The following ATP2C2 variants were observed in gnomAD, a reference collection of about 807,000 sequenced individuals.
ATP2C2 encodes ATPase secretory pathway Ca2+ transporting 2, also known as calcium-transporting ATPase type 2C member 2.
Under a neutral mutation model 110.8 loss-of-function variants are expected in ATP2C2, and 171 were observed. The ratio of observed to expected loss-of-function variants is 1.54; its 90% confidence interval spans 1.36 to 1.75. The LOEUF is 1.75. Among genes scored for constraint, ATP2C2 ranks in the 40% most tolerant of loss-of-function variants. The probability of loss-of-function intolerance (pLI) is 0.00; values close to 1 mark genes in which losing one functional copy is unlikely to be tolerated. For synonymous variants in ATP2C2, 804 were observed against 508.4 expected (o/e 1.58, Z -7.82); for missense variants, 1,963 against 1,235.0 (o/e 1.59, Z -8.84).
rs1187613520 is a variant in ATP2C2 at position 84,451,968 on chromosome 16, G to T, written c.1708G>T (p.Gly570Cys). ...GPELGRLTFL[G>C]LVGIIDPPRV... The stretch of plus-strand genomic sequence containing the variant: ...CGAGCTGGGGCGGCTGACGTTTCTC[G>T]GTCTTGTGGGCATCATTGACCCCCC... The change falls in exon 18 of 27, where the codon GGT becomes TGT. Residue 570 changes from glycine to cysteine, a missense_variant. By Grantham distance (159) the Gly-to-Cys change is radical. Coordinates refer to ENST00000262429, the MANE Select transcript of ATP2C2 (RefSeq NM_014861.4). 1.9e-6 allele frequency: 3 copies of T among 1,613,926 alleles called. No individual in the cohort carries two copies. The highest frequency in any genetic ancestry group is 2.7e-5 in the African/African-American group (2 of 74,854).
intron 26 of ATP2C2, 62 bp from the exon 27 acceptor site, chr16:84,463,552 T>G (rs765098571): frequency 2.6e-5 from 37 of 1,447,564 alleles, no homozygotes; most frequent in Non-Finnish European, 3.6e-5. Context: ...GGGAAGGCGC[T>G]TCCTGCCGGC....
At chr16:84,422,357 A>T (rs774078176) in intron 7 of ATP2C2, 33 bp from the exon 8 acceptor site, 2 of 1,600,140 alleles carry the variant, frequency 1.2e-6, no homozygotes, top group African/African-American at 2.7e-5. Context: ...GGTGACAGAG[A>T]GATTCCACAG....
chr16:84,383,785 T>TG (rs1437448689), intron 1 of ATP2C2, among the ~76,000 whole-genome samples: 1 of 90,890 alleles, frequency 1.1e-5, no homozygotes, highest in South Asian at 4.7e-4. Flanking sequence ...TTGGTTTTGT[T>TG]GGTTTTTTTT....
chr16:84,425,066 G>A (rs956630402), intron 10 of ATP2C2, among the ~76,000 whole-genome samples: 6 of 152,076 alleles, frequency 3.9e-5, no homozygotes, highest in Non-Finnish European at 8.8e-5. Flanking sequence ...AGATACTGTG[G>A]CAGCTGCCCC....
intron 1 of ATP2C2, among the ~76,000 whole-genome samples, chr16:84,396,314 G>A (rs973113803): frequency 6.6e-6 from 1 of 152,070 alleles, no homozygotes; most frequent in Non-Finnish European, 1.5e-5. Context: ...TGGAGGCTGA[G>A]GCAGGCAGAT....
At position 84,439,251 on chromosome 16, in the gene ATP2C2, C is replaced by A. The variant is rs771774140; in HGVS notation, c.1072C>A (p.Arg358=). 9.3e-6 allele frequency: 15 copies of A among 1,612,294 alleles called. No homozygotes were observed. The highest frequency in any genetic ancestry group is 1.3e-5 in the Non-Finnish European group (15 of 1,180,038). The part of the protein sequence containing the change: ...VLGVLRMAKK[R]VIVKKLPIVE... ...GGGAGTGCTGCGGATGGCCAAGAAG[C>A]GGGTCATCGTGAAGAAGTTACCCAT... The change falls in exon 12 of 27, where the codon CGG becomes AGG. Residue 358 remains arginine, a synonymous_variant. Coordinates refer to ENST00000262429, the MANE Select transcript of ATP2C2 (RefSeq NM_014861.4).
Position 84,459,286 on chromosome 16 carries a change from A to G in ATP2C2, c.2233A>G (p.Ser745Gly). 1.2e-6 allele frequency: 2 copies of G among 1,614,166 alleles called. No homozygotes were observed. Among genetic ancestry groups the G allele is most frequent in the Middle Eastern group, 1.6e-4 (1 of 6,062 alleles). Residue 745 changes from serine to glycine, a missense_variant, in exon 23 of 27, where the codon AGT becomes GGT. By Grantham distance (56) the Ser-to-Gly change is moderately conservative. Coordinates refer to ENST00000262429, the MANE Select transcript of ATP2C2 (RefSeq NM_014861.4). Reference protein sequence around the residue: ...FQLSTSISALSLITLSTVFNL... With the variant: ...FQLSTSISALGLITLSTVFNL... ...GCCCCGCAGGAGCATCTCCGCCCTG[A>G]GTCTCATCACTCTGTCCACCGTGTT...
At chr16:84,399,137 AGT>A (rs925097586) in intron 2 of ATP2C2, among the ~76,000 whole-genome samples, 5 of 152,228 alleles carry the variant, frequency 3.3e-5, no homozygotes, top group African/African-American at 9.6e-5. Flanking sequence ...ATTGCACACA[AGT>A]GTGTGTGTGT....
intron 7 of ATP2C2, among the ~76,000 whole-genome samples, chr16:84,417,561 C>G (rs1906951593): frequency 6.6e-6 from 1 of 152,228 alleles, no homozygotes; most frequent in African/African-American, 2.4e-5. Flanking sequence ...AACTTCCTTA[C>G]TGCTTCAGCT....
intron 23 of ATP2C2, chr16:84,459,631 C>A: frequency 6.7e-7 from 1 of 1,491,186 alleles, no homozygotes; most frequent in South Asian, 1.2e-5. Context: ...CCTGGATGCT[C>A]TCTCTGGGCA....
At chr16:84,410,982 G>T (rs1906234059) in intron 6 of ATP2C2, 8 of 589,162 alleles carry the variant, frequency 1.4e-5, no homozygotes, top group African/African-American at 7.4e-5. Context: ...TCCATCATCA[G>T]TGTCTAAATC....
intron 4 of ATP2C2, among the ~76,000 whole-genome samples, chr16:84,409,722 C>T (rs186981875): frequency 2.6e-5 from 4 of 152,212 alleles, no homozygotes; most frequent in Admixed American, 1.3e-4. Context: ...AGGCTGATGT[C>T]GACCTCTTGA....
intron 5 of ATP2C2, 36 bp from the exon 6 acceptor site, chr16:84,410,668 A>G (rs754667456): frequency 1.2e-6 from 2 of 1,613,796 alleles, no homozygotes; most frequent in East Asian, 4.5e-5. Flanking sequence ...TGGAGTCCCC[A>G]CCTTTAAACA....
At chr16:84,369,917 T>C (rs141023210) in intron 1 of ATP2C2, among the ~76,000 whole-genome samples, 111 of 152,342 alleles carry the variant, frequency 7.3e-4, no homozygotes, top group African/African-American at 1.3e-3. Context: ...ATTGATAGGA[T>C]ATAGAGTTCA....
At chr16:84,413,383 G>C (rs1218798435) in intron 6 of ATP2C2, among the ~76,000 whole-genome samples, 1 of 152,104 alleles carries the variant, frequency 6.6e-6, no homozygotes, top group Admixed American at 6.6e-5. Flanking sequence ...AATGACGAAG[G>C]ACCAAATAGG....
intron 7 of ATP2C2, among the ~76,000 whole-genome samples, chr16:84,422,071 G>A (rs1041807530): frequency 6.6e-6 from 1 of 152,190 alleles, no homozygotes; most frequent in African/African-American, 2.4e-5. Context: ...AGAGTGGGCT[G>A]CGTATGTGGG....
chr16:84,418,303 C>CT (rs1907017918), intron 7 of ATP2C2, among the ~76,000 whole-genome samples: 1 of 152,144 alleles, frequency 6.6e-6, no homozygotes, highest in South Asian at 2.1e-4. Context: ...TCCCCCGACT[C>CT]TATTTTCGCC....
chr16:84,459,232 T>TGGCG, intron 22 of ATP2C2, 38 bp from the exon 23 acceptor site: 3 of 1,614,100 alleles, frequency 1.9e-6, no homozygotes, highest in Non-Finnish European at 2.5e-6. Flanking sequence ...GCACCACGCC[T>TGGCG]GGCGGGCGGC....
At chr16:84,381,562 G>A (rs1910580296) in intron 1 of ATP2C2, among the ~76,000 whole-genome samples, 1 of 151,974 alleles carries the variant, frequency 6.6e-6, no homozygotes, top group Non-Finnish European at 1.5e-5. Flanking sequence ...GGACGACAGA[G>A]CAAGACTCTG....
Sources: gnomAD v4.1 joint callset for allele counts (sites outside exome capture counted in the v4.1 genomes callset) on GRCh38, gnomAD v4.1.1 for gene constraint, MANE v1.5 for transcripts, NCBI Gene and HGNC (gene_info 2026-07-23, HGNC 2026-07-21) for gene names.